The following ZFYVE9 variants were observed in gnomAD, a reference collection of about 807,000 sequenced individuals.
The protein encoded by ZFYVE9 is zinc finger FYVE domain-containing protein 9.
ZFYVE9 carries 43 observed loss-of-function variants against 126.7 expected under a neutral mutation model. The observed-to-expected ratio is 0.34, with a 90% CI of 0.27 to 0.44. The LOEUF (loss-of-function observed/expected upper bound fraction) is 0.44. Ranked by LOEUF, ZFYVE9 falls within the 20% of genes least tolerant of loss-of-function variation. The pLI is 1.00. For missense variants in ZFYVE9, 1,476 were observed against 1,697.0 expected (o/e 0.87, Z 2.29); for synonymous variants, 521 against 597.4 (o/e 0.87, Z 1.87).
intron 13 of ZFYVE9, among the ~76,000 whole-genome samples, chr1:52,307,716 C>T (rs1171411011): frequency 6.7e-6 from 1 of 150,220 alleles, no homozygotes; most frequent in Non-Finnish European, 1.5e-5. Context: ...AGGTCTTTTT[C>T]TTACCTGATT....
At position 52,162,273 on chromosome 1, in the gene ZFYVE9, C is replaced by G. The variant is rs1178761024; in HGVS notation, c.-143+19870C>G. ...GGTGATCATCTTCTGTACCGGTAAT[C>G]ATAGTCTTCATATCTGTCATATCCA... is the stretch of plus-strand genomic sequence containing the variant. On this transcript the variant is annotated intron_variant, in intron 1 of 18. Transcript: ENST00000287727. The G allele has an allele frequency of 1.5e-5, 5 of 337,012 alleles. No homozygotes were observed. The Admixed American group carries it at 1.5e-4, about 10-fold the overall frequency. The allele number at this position is 337,012 out of a possible 1,614,324, so 20.9% of individuals were successfully genotyped here.
intron 10 of ZFYVE9, among the ~76,000 whole-genome samples, chr1:52,289,113 T>C (rs1645893271): frequency 6.6e-6 from 1 of 152,134 alleles, no homozygotes; most frequent in African/African-American, 2.4e-5. Context: ...GCTGGCTACT[T>C]ATAAGCATTT....
At chr1:52,270,500 C>G (rs796206362) in intron 7 of ZFYVE9, among the ~76,000 whole-genome samples, 36 of 152,192 alleles carry the variant, frequency 2.4e-4, no homozygotes, top group East Asian at 1.9e-3. Context: ...TCCTGACCTC[C>G]TGATCTGCCC....
intron 1 of ZFYVE9, chr1:52,190,175 A>G (rs752409717): frequency 6.4e-6 from 1 of 155,434 alleles, no homozygotes; most frequent in Admixed American, 6.4e-5. Flanking sequence ...TTTTGTTTCC[A>G]ATAAGATTGT....
chr1:52,172,907 A>C (rs1320732226), intron 1 of ZFYVE9, among the ~76,000 whole-genome samples: 9 of 152,088 alleles, frequency 5.9e-5, no homozygotes, highest in African/African-American at 2.2e-4. Context: ...TTGGGCTGAG[A>C]CAATGGGGTT....
intron 1 of ZFYVE9, among the ~76,000 whole-genome samples, chr1:52,214,606 A>G (rs1645055590): frequency 6.6e-6 from 1 of 152,146 alleles, no homozygotes; most frequent in Admixed American, 6.6e-5. Flanking sequence ...TTCCAATAGA[A>G]AAACCTGTAA....
intron 1 of ZFYVE9, among the ~76,000 whole-genome samples, chr1:52,196,224 G>T (rs919956893): frequency 6.6e-6 from 1 of 152,218 alleles, no homozygotes; most frequent in East Asian, 1.9e-4. Context: ...CTCTCAAACA[G>T]TGAGTGCTCT....
intron 3 of ZFYVE9, among the ~76,000 whole-genome samples, chr1:52,234,014 C>T (rs192620978): frequency 1.1e-4 from 17 of 152,212 alleles, no homozygotes; most frequent in Admixed American, 1.1e-3. Flanking sequence ...CTCCTGGTGT[C>T]AAGCAGTCCT....
intron 14 of ZFYVE9, 77 bp downstream of exon 14, chr1:52,332,995 T>G: frequency 6.5e-7 from 1 of 1,549,612 alleles, no homozygotes; most frequent in Non-Finnish European, 8.8e-7. Flanking sequence ...CTCAGTCCCG[T>G]AACACTCACT....
intron 13 of ZFYVE9, among the ~76,000 whole-genome samples, chr1:52,323,426 A>G (rs1160710518): frequency 6.6e-6 from 1 of 152,278 alleles, no homozygotes; most frequent in East Asian, 1.9e-4. Context: ...TCCTCCTCCT[A>G]CACACAAGAA....
chr1:52,296,414 T>G (rs1026356870), intron 12 of ZFYVE9, among the ~76,000 whole-genome samples: 7 of 152,078 alleles, frequency 4.6e-5, no homozygotes, highest in African/African-American at 1.4e-4. Context: ...GGTCAGAGAT[T>G]GTACCCAGAT....
chr1:52,194,677 A>AT (rs1016248393), intron 1 of ZFYVE9, among the ~76,000 whole-genome samples: 2 of 152,174 alleles, frequency 1.3e-5, no homozygotes, highest in African/African-American at 4.8e-5. Flanking sequence ...ACTTGGCAGT[A>AT]TTTATTAAAA....
intron 12 of ZFYVE9, among the ~76,000 whole-genome samples, chr1:52,300,853 A>T (rs1342609982): frequency 1.3e-5 from 2 of 148,934 alleles, no homozygotes; most frequent in Non-Finnish European, 3.0e-5. Context: ...TTTGTTGTTT[A>T]GGTTTTTTGG....
At chr1:52,161,636 G>A (rs1019059825) in intron 1 of ZFYVE9, among the ~76,000 whole-genome samples, 29 of 152,244 alleles carry the variant, frequency 1.9e-4, no homozygotes, top group South Asian at 6.2e-4. Flanking sequence ...ATAGGAGTCT[G>A]CAAGCTTTTT....
chr1:52,144,596 C>G (rs1415626708), intron 1 of ZFYVE9, among the ~76,000 whole-genome samples: 1 of 150,502 alleles, frequency 6.6e-6, no homozygotes, highest in Non-Finnish European at 1.5e-5. Flanking sequence ...TCTAGCAAAA[C>G]TATAAGTCTT....
intron 5 of ZFYVE9, chr1:52,264,126 C>T (rs945692100): frequency 4.0e-5 from 10 of 247,792 alleles, no homozygotes; most frequent in Non-Finnish European, 7.0e-5. Context: ...CTTTGGAAAT[C>T]TGGTGCGAGG....
intron 13 of ZFYVE9, among the ~76,000 whole-genome samples, chr1:52,320,375 G>T (rs1178753998): frequency 6.6e-6 from 1 of 152,138 alleles, no homozygotes; most frequent in African/African-American, 2.4e-5. Context: ...CGGCTGTTAA[G>T]ATGTATTTTA....
chr1:52,234,498 C>T (rs531699838), intron 3 of ZFYVE9, among the ~76,000 whole-genome samples: 1 of 152,284 alleles, frequency 6.6e-6, no homozygotes, highest in South Asian at 2.1e-4. Flanking sequence ...TATTGGTTTA[C>T]AAACCTTTGC....
chr1:52,268,326 A>G, intron 6 of ZFYVE9, 137 bp from the exon 7 acceptor site: 1 of 811,060 alleles, frequency 1.2e-6, no homozygotes. Context: ...ATACAGTTAC[A>G]TTTCTGATGT....
Sources: allele counts gnomAD v4.1 joint callset (sites outside exome capture counted in the v4.1 genomes callset), GRCh38; gene constraint gnomAD v4.1.1; transcripts MANE v1.5; gene names NCBI Gene and HGNC (gene_info 2026-07-23, HGNC 2026-07-21).